Variants in NTM observed in about 807,000 individuals in gnomAD.
NTM encodes neurotrimin.
NTM carries 13 observed loss-of-function variants against 42.1 expected under a neutral mutation model. That is an observed-to-expected ratio of 0.31 (90% CI 0.20 to 0.49). The LOEUF (loss-of-function observed/expected upper bound fraction) is 0.49, where lower values mean the gene tolerates loss of function less well. Ranked by LOEUF, NTM falls within the 20% of genes least tolerant of loss-of-function variation. The probability of loss-of-function intolerance (pLI) is 0.99; values close to 1 mark genes in which losing one functional copy is unlikely to be tolerated. For missense variants in NTM, 373 were observed against 452.8 expected, an observed-to-expected ratio of 0.82 and a Z score of 1.60; for synonymous variants, 187 against 179.2, an observed-to-expected ratio of 1.04 and a Z score of -0.35.
At chr11:131,846,887 A>G (rs1328616713) in intron 1 of NTM, among the ~76,000 whole-genome samples, 1 of 152,198 alleles carries the variant, frequency 6.6e-6, no homozygotes, top group Non-Finnish European at 1.5e-5. Flanking sequence ...AGAGTGAGGT[A>G]GAAAATCAGG....
chr11:132,006,190 T>C (rs903516553), intron 2 of NTM, among the ~76,000 whole-genome samples: 2 of 152,192 alleles, frequency 1.3e-5, no homozygotes, highest in African/African-American at 2.4e-5. Flanking sequence ...ATCTACCTTG[T>C]AATCTTTCCA....
At chr11:131,818,776 CCTT>C (rs1403294978) in intron 1 of NTM, among the ~76,000 whole-genome samples, 11 of 152,132 alleles carry the variant, frequency 7.2e-5, no homozygotes, top group African/African-American at 2.7e-4. Flanking sequence ...GAGTGTCTGT[CCTT>C]CTATCCAGAA....
intron 2 of NTM, among the ~76,000 whole-genome samples, chr11:131,971,741 CA>C (rs113688020): frequency 0.35 from 44,605 of 128,752 alleles, 7,659 homozygotes; most frequent in East Asian, 0.56. Flanking sequence ...CCCACCTCTA[CA>C]AAAAAAAGAA....
rs74567833 is a variant in NTM, at chr11:131,543,399, G to A, written c.82+172511G>A. 8.0e-3 allele frequency among the ~76,000 whole-genome samples: 1,225 copies of A among 152,200 alleles called. 13 individuals carry two copies. Among genetic ancestry groups the A allele is most frequent in the African/African-American group, 0.027 (1,129 of 41,514 alleles). On this transcript the variant is annotated intron_variant, in intron 1 of 8. Transcript: ENST00000683400. ...ATAATGTCTTCCCTTTCTTGGCAAC[G>A]GTACATATCCCTAACCTCTTTCCCA... is the stretch of plus-strand genomic sequence containing the variant.
At chr11:132,249,537 GA>G (rs1362433250) in intron 4 of NTM, among the ~76,000 whole-genome samples, 18 of 152,224 alleles carry the variant, frequency 1.2e-4, no homozygotes, top group African/African-American at 4.3e-4. Flanking sequence ...AATTCCTGGA[GA>G]AATTGTCTCT....
chr11:131,592,439 G>A (rs1016521191), intron 1 of NTM, among the ~76,000 whole-genome samples: 11 of 151,436 alleles, frequency 7.3e-5, no homozygotes, highest in African/African-American at 2.4e-4. Context: ...TTAGTAAACA[G>A]GGCAGTGCTT....
At chr11:131,448,338 G>A (rs1157962038) in intron 1 of NTM, among the ~76,000 whole-genome samples, 3 of 152,166 alleles carry the variant, frequency 2.0e-5, no homozygotes, top group South Asian at 2.1e-4. Flanking sequence ...CTGCCCCCAT[G>A]GACTCATCCC....
At chr11:132,015,326 A>G (rs1375726835) in intron 2 of NTM, among the ~76,000 whole-genome samples, 1 of 152,064 alleles carries the variant, frequency 6.6e-6, no homozygotes, top group South Asian at 2.1e-4. Context: ...CAGTAGCGTA[A>G]TGCCTCTGCT....
chr11:132,035,013 G>GT (rs1407265111), intron 2 of NTM, among the ~76,000 whole-genome samples: 1 of 152,130 alleles, frequency 6.6e-6, no homozygotes, highest in Non-Finnish European at 1.5e-5. Flanking sequence ...TATTTCTGAT[G>GT]TTTTTCTTCC....
intron 2 of NTM, among the ~76,000 whole-genome samples, chr11:132,008,015 G>C (rs7952116): frequency 6.6e-6 from 1 of 152,084 alleles, no homozygotes; most frequent in African/African-American, 2.4e-5. Context: ...GCGTTGCTTC[G>C]ATTTTAGAAT....
At chr11:131,924,996 C>T (rs892376121) in intron 2 of NTM, among the ~76,000 whole-genome samples, 5 of 152,286 alleles carry the variant, frequency 3.3e-5, no homozygotes, top group Middle Eastern at 3.4e-3. Flanking sequence ...CCTTTTCAAA[C>T]GGAAGTCTCA....
rs545045284 is a variant in NTM, at chr11:132,136,333, A to G, written c.168-9949A>G. 2.0e-5 allele frequency among the ~76,000 whole-genome samples: 3 copies of G among 152,350 alleles called. No individual in the cohort carries two copies. In the South Asian group the frequency reaches 6.2e-4, roughly 32 times the overall value. On this transcript the variant is annotated intron_variant, in intron 2 of 8. Coordinates refer to ENST00000683400, the MANE Select transcript of NTM (RefSeq NM_001352005.2). The stretch of plus-strand genomic sequence containing the variant: ...CAGGCAGTCATGTGGGCACTGTGTT[A>G]CCACCAAAGGTGAGAGGATGTGTTG...
In NTM at chr11:131,887,957, A is replaced by G. The variant is rs527562425; in HGVS notation, c.83-23607A>G. 7.9e-5 allele frequency among the ~76,000 whole-genome samples: 12 copies of G among 152,310 alleles called. No homozygotes were observed. The East Asian group carries it at 2.1e-3, about 27-fold the overall frequency. On this transcript the variant is annotated intron_variant, in intron 1 of 8. Coordinates refer to ENST00000683400, the MANE Select transcript of NTM (RefSeq NM_001352005.2). ...GCCACATTAATCCCTTTAGTAAGTG[A>G]AGGAGCCATGATTGAAATCTCAGCT... is the stretch of plus-strand genomic sequence containing the variant.
At chr11:131,883,897 G>A (rs2049946325) in intron 1 of NTM, among the ~76,000 whole-genome samples, 1 of 152,194 alleles carries the variant, frequency 6.6e-6, no homozygotes, top group African/African-American at 2.4e-5. Context: ...TTGAATGGGA[G>A]TGGGTCTTGA....
chr11:132,166,342 G>C (rs935421334), intron 3 of NTM, among the ~76,000 whole-genome samples: 2 of 152,104 alleles, frequency 1.3e-5, no homozygotes, highest in African/African-American at 4.8e-5. Flanking sequence ...TTAGTCTGTT[G>C]CAGAAACCTC....
At chr11:132,113,758 G>C (rs1318467432) in intron 2 of NTM, among the ~76,000 whole-genome samples, 1 of 152,180 alleles carries the variant, frequency 6.6e-6, no homozygotes, top group African/African-American at 2.4e-5. Flanking sequence ...TCTCTTTCCA[G>C]AGTACAGTTG....
chr11:131,579,582 G>A (rs375476970), intron 1 of NTM, among the ~76,000 whole-genome samples: 13 of 152,316 alleles, frequency 8.5e-5, no homozygotes, highest in East Asian at 1.9e-4. Context: ...CCAAAGCCAC[G>A]TCCATGCATG....
intron 1 of NTM, among the ~76,000 whole-genome samples, chr11:131,604,209 C>G (rs2060727543): frequency 1.3e-5 from 2 of 152,124 alleles, no homozygotes; most frequent in South Asian, 4.1e-4. Flanking sequence ...TCTTTTTTTA[C>G]TATAACCTTC....
intron 3 of NTM, among the ~76,000 whole-genome samples, chr11:132,195,438 A>G (rs1592149145): frequency 6.6e-6 from 1 of 152,104 alleles, no homozygotes; most frequent in Non-Finnish European, 1.5e-5. Flanking sequence ...CAAAATTAGA[A>G]AATAAAAACT....
Sources: allele counts gnomAD v4.1 joint callset (sites outside exome capture counted in the v4.1 genomes callset), GRCh38; gene constraint gnomAD v4.1.1; transcripts MANE v1.5; gene names NCBI Gene and HGNC (gene_info 2026-07-23, HGNC 2026-07-21).